The following GALNT13 variants were observed in gnomAD, a reference collection of about 807,000 sequenced individuals.
The protein encoded by GALNT13 is polypeptide N-acetylgalactosaminyltransferase 13, also known as UDP-GalNAc:polypeptide N-acetylgalactosaminyltransferase 13.
A neutral mutation model predicts 64.2 loss-of-function variants in GALNT13; 28 were observed. The observed-to-expected ratio is 0.44, with a 90% CI of 0.32 to 0.60. The LOEUF is 0.60. Among genes scored for constraint, GALNT13 ranks in the 20% least tolerant of loss-of-function variants. The probability of loss-of-function intolerance (pLI) is 0.05; values close to 1 mark genes in which losing one functional copy is unlikely to be tolerated. For synonymous variants in GALNT13, 214 were observed against 224.6 expected (o/e 0.95, Z 0.42); for missense variants, 577 against 669.8 (o/e 0.86, Z 1.53).
chr2:153,542,039 C>T, the GALNT13 span, among the ~76,000 whole-genome samples: 8 of 152,088 alleles, frequency 5.3e-5, no homozygotes, highest in South Asian at 2.1e-4. Context: ...AATTAAAGGC[C>T]GGGTACAGTG....
At chr2:153,213,178 G>T in the GALNT13 span, among the ~76,000 whole-genome samples, 1 of 152,220 alleles carries the variant, frequency 6.6e-6, no homozygotes, top group African/African-American at 2.4e-5. Flanking sequence ...ACTGCAGGGA[G>T]CATGGGCTTT....
At chr2:153,794,473 G>T in the GALNT13 span, among the ~76,000 whole-genome samples, 1 of 151,860 alleles carries the variant, frequency 6.6e-6, no homozygotes, top group Non-Finnish European at 1.5e-5. Context: ...TAAAACCAAT[G>T]AGTGTTGGCT....
the GALNT13 span, among the ~76,000 whole-genome samples, chr2:153,619,371 T>C: frequency 6.6e-6 from 1 of 152,124 alleles, no homozygotes; most frequent in Non-Finnish European, 1.5e-5. Flanking sequence ...TATTTATGTC[T>C]TCACAAGTTA....
At chr2:153,194,002 A>G in the GALNT13 span, among the ~76,000 whole-genome samples, 1 of 152,146 alleles carries the variant, frequency 6.6e-6, no homozygotes, top group Non-Finnish European at 1.5e-5. Flanking sequence ...GACTAGACAC[A>G]TTTCTTTTGT....
chr2:154,200,149 G>A (rs1687095114), intron 4 of GALNT13, among the ~76,000 whole-genome samples: 1 of 152,046 alleles, frequency 6.6e-6, no homozygotes, highest in African/African-American at 2.4e-5. Flanking sequence ...TAGGAGTCAT[G>A]AAGATATATT....
At chr2:153,476,750 CACA>C in the GALNT13 span, among the ~76,000 whole-genome samples, 2 of 152,190 alleles carry the variant, frequency 1.3e-5, no homozygotes, top group Admixed American at 6.5e-5. Flanking sequence ...AAAGTAATAT[CACA>C]ACGACAGTAA....
chr2:154,396,812 C>T (rs991264297), intron 10 of GALNT13, among the ~76,000 whole-genome samples: 2 of 151,878 alleles, frequency 1.3e-5, no homozygotes, highest in African/African-American at 4.8e-5. Context: ...GTTGTAGACA[C>T]TCTGAGAACC....
At chr2:154,042,695 C>CGCATAT (rs369261921) in intron 3 of GALNT13, among the ~76,000 whole-genome samples, 7 of 107,928 alleles carry the variant, frequency 6.5e-5, no homozygotes, top group African/African-American at 2.0e-4. Context: ...TATCATTATG[C>CGCATAT]ATATATATAT....
chr2:153,570,278 C>T, the GALNT13 span, among the ~76,000 whole-genome samples: 1 of 152,032 alleles, frequency 6.6e-6, no homozygotes, highest in Non-Finnish European at 1.5e-5. Flanking sequence ...AATCTTTGCC[C>T]ACTTTTTATC....
intron 9 of GALNT13, among the ~76,000 whole-genome samples, chr2:154,303,733 C>T (rs1313782958): frequency 6.6e-6 from 1 of 151,754 alleles, no homozygotes; most frequent in Non-Finnish European, 1.5e-5. Flanking sequence ...GGAAAAGGTC[C>T]AAGTTTAGTC....
At chr2:153,373,009 A>G in the GALNT13 span, among the ~76,000 whole-genome samples, 1 of 152,192 alleles carries the variant, frequency 6.6e-6, no homozygotes, top group Non-Finnish European at 1.5e-5. Flanking sequence ...GTAGAGATAA[A>G]TGATTATTTT....
intron 8 of GALNT13, among the ~76,000 whole-genome samples, chr2:154,264,935 A>G (rs1690905363): frequency 6.6e-6 from 1 of 151,142 alleles, no homozygotes; most frequent in Admixed American, 6.6e-5. Context: ...TAAAAGGAAT[A>G]TATATAATAT....
the GALNT13 span, among the ~76,000 whole-genome samples, chr2:153,272,066 G>T: frequency 6.6e-6 from 1 of 152,136 alleles, no homozygotes; most frequent in Non-Finnish European, 1.5e-5. Context: ...CTAGCCATAT[G>T]CAGAAAATTG....
the GALNT13 span, among the ~76,000 whole-genome samples, chr2:153,145,465 T>A: frequency 6.6e-6 from 1 of 152,016 alleles, no homozygotes; most frequent in East Asian, 1.9e-4. Context: ...TTTCAAAGGT[T>A]GCTGATTATA....
chr2:154,208,966 T>G (rs1687621694), intron 4 of GALNT13, among the ~76,000 whole-genome samples: 1 of 152,150 alleles, frequency 6.6e-6, no homozygotes. Context: ...AAGGATTCAG[T>G]AAGTAGGTCT....
chr2:153,982,854 T>A (rs1694558520), intron 3 of GALNT13, among the ~76,000 whole-genome samples: 1 of 151,916 alleles, frequency 6.6e-6, no homozygotes. Context: ...AAAAAAAGAA[T>A]ATGCAATAGG....
intron 1 of GALNT13, among the ~76,000 whole-genome samples, chr2:153,896,190 T>G (rs1052073858): frequency 6.7e-6 from 1 of 150,320 alleles, no homozygotes; most frequent in East Asian, 2.0e-4. Context: ...CTGATAACCT[T>G]TTGTCTTTTT....
At chr2:153,644,906 G>A in the GALNT13 span, among the ~76,000 whole-genome samples, 1 of 151,932 alleles carries the variant, frequency 6.6e-6, no homozygotes, top group African/African-American at 2.4e-5. Flanking sequence ...ATATGTCTAT[G>A]GGACAAAATC....
chr2:153,183,137 C>G, the GALNT13 span, among the ~76,000 whole-genome samples: 1 of 152,166 alleles, frequency 6.6e-6, no homozygotes, highest in Non-Finnish European at 1.5e-5. Context: ...TCACCAGCAT[C>G]TGTTGTTCTT....
Sources: gnomAD v4.1 joint callset for allele counts (sites outside exome capture counted in the v4.1 genomes callset) on GRCh38, gnomAD v4.1.1 for gene constraint, MANE v1.5 for transcripts, NCBI Gene and HGNC (gene_info 2026-07-23, HGNC 2026-07-21) for gene names.